Variants in WDR3 observed in about 807,000 individuals in gnomAD.
WDR3 encodes WD repeat domain 3.
In WDR3, 81 loss-of-function variants were observed where a neutral mutation model predicts 123.7. The observed-to-expected ratio is 0.65, with a 90% CI of 0.55 to 0.79. The LOEUF is 0.79. Ranked by LOEUF, WDR3 falls within the 30% of genes least tolerant of loss-of-function variation. The pLI is 0.00. For synonymous variants in WDR3, 390 were observed against 388.8 expected (o/e 1.00, Z -0.04); for missense variants, 1,027 against 1,123.2 (o/e 0.91, Z 1.22).
At chr1:117,948,588 TG>T (rs1219031361) in intron 13 of WDR3, 82 bp downstream of exon 13, 1 of 1,019,772 alleles carries the variant, frequency 9.8e-7, no homozygotes, top group East Asian at 2.7e-5. Flanking sequence ...AAAGAAAGCC[TG>T]AGGTTTTTTT....
rs77784407 is a variant in WDR3, at chr1:117,938,999, G to A, written c.579+441G>A. Among the ~76,000 whole-genome samples the A allele has an allele frequency of 5.6e-3, 849 of 152,216 alleles. 5 individuals carry two copies. The highest frequency in any genetic ancestry group is 0.033 in the East Asian group (170 of 5,186). On this transcript the variant is annotated intron_variant, in intron 5 of 26. Transcript: ENST00000349139. ...GTGCTTTATTCATATCAGGCATTCAGGAAGGTAATACCTAGAATTAATGAC... is the reference window on the plus strand; with the variant it reads ...GTGCTTTATTCATATCAGGCATTCAAGAAGGTAATACCTAGAATTAATGAC...
In WDR3 at chr1:117,966,526, G is replaced by T; in HGVS notation, c.*7079G>T. 1 of 1,207,502 alleles carries T rather than the reference G, an allele frequency of 8.3e-7. No homozygotes were observed. Among genetic ancestry groups the T allele is most frequent in the Non-Finnish European group, 1.1e-6 (1 of 889,592 alleles). The allele number at this position is 1,207,502 out of a possible 1,614,324, so 74.8% of individuals were successfully genotyped here. A position where few individuals can be genotyped will look rare whatever the true frequency, so the allele number is the denominator to read the frequency against. ...TTGAAGATAGAATTAATAAAGTAGAGATGCATTTTGACTTCCATGTTTTCC... is the reference window on the plus strand; with the variant it reads ...TTGAAGATAGAATTAATAAAGTAGATATGCATTTTGACTTCCATGTTTTCC... On this transcript the variant is annotated 3_prime_UTR_variant, in exon 27 of 27. Transcript: ENST00000349139.
intron 2 of WDR3, chr1:117,933,775 A>G (rs927501258): frequency 1.0e-4 from 40 of 385,540 alleles, no homozygotes; most frequent in Non-Finnish European, 1.8e-4. Flanking sequence ...TTCCTGATGT[A>G]TTTTTTCTCT....
chr1:117,959,399 G>T lies in WDR3; in HGVS notation c.2784G>T (p.Lys928Asn). 1 of 1,613,602 alleles carries T rather than the reference G, an allele frequency of 6.2e-7. No homozygotes were observed. Among genetic ancestry groups the T allele is most frequent in the Non-Finnish European group, 8.5e-7 (1 of 1,179,792 alleles). ...ATGCTACTAGCCACTTGGAAGAGAA[G>T]AAGAGGAAGAGGAAAAAGAGGGAGA... ...FADATSHLEE[K>N]KRKRKKREKL... Residue 928 changes from lysine to asparagine, a missense_variant, in exon 27 of 27, where the codon AAG becomes AAT. Lys to Asn is a moderately conservative substitution (Grantham distance 94, BLOSUM62 0). Coordinates refer to ENST00000349139, the MANE Select transcript of WDR3 (RefSeq NM_006784.3).
In WDR3 at chr1:117,940,866, G is replaced by A. The variant is rs1034997505; in HGVS notation, c.715G>A (p.Gly239Arg). The A allele has an allele frequency of 6.8e-6, 11 of 1,613,716 alleles. No homozygotes were observed. Among genetic ancestry groups the A allele is most frequent in the Non-Finnish European group, 9.3e-6 (11 of 1,179,942 alleles). The stretch of plus-strand genomic sequence containing the variant: ...AGAACCAGACCCCAAGAAAATCAAA[G>A]GATCTTCTCCTGGAATACAAGATAC... ...PEEPDPKKIK[G>R]SSPGIQDTLE... The change falls in exon 7 of 27, where the codon GGA becomes AGA. Residue 239 changes from glycine to arginine, a missense_variant. Gly to Arg is a moderately radical substitution (Grantham distance 125). Coordinates refer to ENST00000349139, the MANE Select transcript of WDR3 (RefSeq NM_006784.3).
intron 12 of WDR3, among the ~76,000 whole-genome samples, chr1:117,946,889 C>T (rs1335974378): frequency 2.2e-5 from 3 of 138,212 alleles, no homozygotes; most frequent in Non-Finnish European, 4.5e-5. Flanking sequence ...TGCAGTGAGC[C>T]GAGATAGTAC....
Position 117,952,370 on chromosome 1 carries a change from T to G in WDR3, c.1978T>G (p.Trp660Gly). 2 of 1,613,386 alleles carry G rather than the reference T, an allele frequency of 1.2e-6. No individual in the cohort carries two copies. Among genetic ancestry groups the G allele is most frequent in the Non-Finnish European group, 1.7e-6 (2 of 1,179,518 alleles). Reference protein sequence around the residue: ...TAGKDHKIKQWDADKFEHIQT... With the variant: ...TAGKDHKIKQGDADKFEHIQT... ...CGGAAAAGATCATAAGATTAAACAG[T>G]GGGATGCAGACAAATTTGAACACAT... Residue 660 changes from tryptophan to glycine, a missense_variant, in exon 18 of 27, where the codon TGG becomes GGG. Transcript: ENST00000349139.
chr1:117,947,201 C>T (rs555264916), intron 12 of WDR3, among the ~76,000 whole-genome samples: 223 of 152,142 alleles, frequency 1.5e-3, no homozygotes, highest in African/African-American at 5.2e-3. Context: ...TAGCCTGCAG[C>T]GAATAGCTAA....
intron 25 of WDR3, 59 bp downstream of exon 25, chr1:117,957,255 T>C (rs1244600878): frequency 3.2e-6 from 5 of 1,544,486 alleles, no homozygotes; most frequent in Non-Finnish European, 4.4e-6. Flanking sequence ...CAGTAGTACC[T>C]TAACTGAAGC....
intron 12 of WDR3, among the ~76,000 whole-genome samples, chr1:117,947,947 A>C (rs893322573): frequency 1.3e-5 from 2 of 152,040 alleles, no homozygotes; most frequent in African/African-American, 2.4e-5. Flanking sequence ...TCTTATTGTC[A>C]ATGTATTGCA....
Position 117,941,794 on chromosome 1 carries a change from G to C in WDR3, c.936G>C (p.Lys312Asn), listed in dbSNP as rs1194718023. The C allele has an allele frequency of 1.2e-6, 2 of 1,609,898 alleles. No homozygotes were observed. Among genetic ancestry groups the C allele is most frequent in the African/African-American group, 1.3e-5 (1 of 74,634 alleles). ...AATTGTTTTGTATCCTTTCCAAAAA[G>C]GAAATTCAGAAGAAAATGGATAAGA... ...VLELFCILSKKEIQKKMDKKM... is the reference protein window; with the variant it reads ...VLELFCILSKNEIQKKMDKKM... The change falls in exon 9 of 27, where the codon AAG becomes AAC. Residue 312 changes from lysine (K) to asparagine (N), a missense_variant. Coordinates refer to ENST00000349139, the MANE Select transcript of WDR3 (RefSeq NM_006784.3).
intron 1 of WDR3, among the ~76,000 whole-genome samples, chr1:117,933,052 A>AT (rs974367014): frequency 2.0e-5 from 3 of 151,750 alleles, no homozygotes; most frequent in Non-Finnish European, 2.9e-5. Context: ...AAAAAAAAAA[A>AT]AATTAGCCGG....
Position 117,963,911 on chromosome 1 carries a change from T to C in WDR3, c.*4464T>C, listed in dbSNP as rs1344267849. 6.2e-7 allele frequency: 1 copy of C among 1,613,992 alleles called. No individual in the cohort carries two copies. Among genetic ancestry groups the C allele is most frequent in the Admixed American group, 1.7e-5 (1 of 60,018 alleles). On this transcript the variant is annotated 3_prime_UTR_variant, in exon 27 of 27. Transcript: ENST00000349139. ...TCCCTGGGGAAAGTCTTTTGGTCGT[T>C]TATCATAATTGCTGCTTGTTAAAAC...
Position 117,940,902 on chromosome 1 carries a change from G to A in WDR3, c.751G>A (p.Glu251Lys). 2 of 1,614,098 alleles carry A rather than the reference G, an allele frequency of 1.2e-6. No homozygotes were observed. The highest frequency in any genetic ancestry group is 1.3e-5 in the African/African-American group (1 of 75,058). ...SPGIQDTLEA[E>K]DGAFETDEAP... ...TGGAATACAAGATACTCTTGAGGCA[G>A]AGGATGGTGCCTTTGAGACGGATGA... is the stretch of plus-strand genomic sequence containing the variant. The change falls in exon 7 of 27, where the codon GAG becomes AAG. Residue 251 changes from glutamate to lysine, a missense_variant. Transcript: ENST00000349139.
Position 117,952,007 on chromosome 1 carries a change from A to AT in WDR3, c.1836dup (p.Arg613Ter). 1.2e-6 allele frequency: 2 copies of AT among 1,613,434 alleles called. No individual in the cohort carries two copies. Among genetic ancestry groups the AT allele is most frequent in the Non-Finnish European group, 1.7e-6 (2 of 1,179,456 alleles). On this transcript the variant is annotated frameshift_variant, in exon 17 of 27. Transcript: ENST00000349139. LOFTEE classifies it high-confidence loss of function. ...GCACTCATAGCAACTGGCTCCGCTG[A>AT]TAGGAATGTGAAAATCTGGGGTTTG...
intron 12 of WDR3, 141 bp from the exon 13 acceptor site, chr1:117,948,264 A>T: frequency 1.5e-6 from 1 of 659,468 alleles, no homozygotes; most frequent in East Asian, 2.8e-5. Context: ...AATACAGAAC[A>T]TGGAATGTGG....
chr1:117,953,899 G>C, intron 21 of WDR3, 108 bp from the exon 22 acceptor site: 2 of 893,556 alleles, frequency 2.2e-6, no homozygotes, highest in South Asian at 1.7e-5. Flanking sequence ...TTATTAAACA[G>C]ATTGAAGCTA....
At position 117,953,558 on chromosome 1, in the gene WDR3, T is replaced by C; in HGVS notation, c.2268+17T>C. On this transcript the variant is annotated intron_variant, in intron 21 of 26. Transcript: ENST00000349139. ...GTGAAAGCAGTAAGTTGATATAGAA[T>C]GTGGTATCTCGTTTTTTAATAAGAT... 1 of 1,606,968 alleles carries C rather than the reference T, an allele frequency of 6.2e-7. No homozygotes were observed. Among genetic ancestry groups the C allele is most frequent in the Non-Finnish European group, 8.5e-7 (1 of 1,176,808 alleles).
intron 16 of WDR3, among the ~76,000 whole-genome samples, chr1:117,951,737 A>G (rs1013643261): frequency 2.6e-5 from 4 of 152,138 alleles, no homozygotes; most frequent in African/African-American, 9.7e-5. Context: ...AAGGCACAGC[A>G]CTGCCCTGTG....
Sources: gnomAD v4.1 joint callset for allele counts (sites outside exome capture counted in the v4.1 genomes callset) on GRCh38, gnomAD v4.1.1 for gene constraint, MANE v1.5 for transcripts, NCBI Gene and HGNC (gene_info 2026-07-23, HGNC 2026-07-21) for gene names.